The following EYS variants were observed in gnomAD, a reference collection of about 807,000 sequenced individuals.
EYS encodes the protein protein eyes shut homolog.
In EYS, 250 loss-of-function variants were observed where a neutral mutation model predicts 282.1. The ratio of observed to expected loss-of-function variants is 0.89; its 90% CI spans 0.80 to 0.98. EYS has a LOEUF of 0.98. Ranked by LOEUF, EYS falls within the 50% of genes least tolerant of loss-of-function variation. EYS has a pLI of 0.00. For missense variants in EYS, 4,016 were observed against 3,709.0 expected (o/e 1.08, Z -2.15); for synonymous variants, 1,355 against 1,282.9 (o/e 1.06, Z -1.20).
chr6:64,309,233 T>C (rs1404978816), intron 29 of EYS, among the ~76,000 whole-genome samples: 2 of 152,150 alleles, frequency 1.3e-5, no homozygotes, highest in Non-Finnish European at 2.9e-5. Flanking sequence ...ACTGATAATG[T>C]TTAAATTAAT....
chr6:64,339,568 T>C (rs959461523), intron 29 of EYS, among the ~76,000 whole-genome samples: 9 of 152,048 alleles, frequency 5.9e-5, no homozygotes, highest in South Asian at 2.1e-4. Flanking sequence ...GAAAACAGTG[T>C]GGAGATTCTT....
chr6:65,415,160 G>A (rs1338693036), intron 5 of EYS, among the ~76,000 whole-genome samples: 2 of 152,004 alleles, frequency 1.3e-5, no homozygotes, highest in Non-Finnish European at 2.9e-5. Context: ...TGGTATAGTG[G>A]GGATAAACAT....
intron 31 of EYS, among the ~76,000 whole-genome samples, chr6:64,146,985 G>C (rs990059985): frequency 6.6e-6 from 1 of 152,128 alleles, no homozygotes; most frequent in Non-Finnish European, 1.5e-5. Context: ...AGGTAGTAGA[G>C]ATAAGGTCTG....
chr6:64,210,210 A>G (rs779202051), intron 31 of EYS, among the ~76,000 whole-genome samples: 1 of 152,232 alleles, frequency 6.6e-6, no homozygotes, highest in Non-Finnish European at 1.5e-5. Flanking sequence ...GCATTTTCCA[A>G]AAATGGATGG....
At chr6:65,416,507 T>C (rs543940783) in intron 5 of EYS, among the ~76,000 whole-genome samples, 233 of 152,108 alleles carry the variant, frequency 1.5e-3, no homozygotes, top group Middle Eastern at 0.01. Context: ...TCTAAGTAAT[T>C]TTTATTTTAG....
At chr6:65,609,224 G>C (rs1185358551) in intron 2 of EYS, among the ~76,000 whole-genome samples, 1 of 151,270 alleles carries the variant, frequency 6.6e-6, no homozygotes, top group Non-Finnish European at 1.5e-5. Flanking sequence ...ACCACTAAGA[G>C]ATAGGAATTT....
intron 7 of EYS, among the ~76,000 whole-genome samples, chr6:65,401,510 C>T (rs1334572653): frequency 6.6e-6 from 1 of 151,152 alleles, no homozygotes; most frequent in Non-Finnish European, 1.5e-5. Flanking sequence ...GGATAGTATT[C>T]AGGTTTATTG....
chr6:64,656,359 G>C (rs1461753541), intron 22 of EYS, among the ~76,000 whole-genome samples: 1 of 152,030 alleles, frequency 6.6e-6, no homozygotes, highest in Admixed American at 6.6e-5. Flanking sequence ...GCTTAACTCA[G>C]GCACATATTT....
At chr6:64,200,383 C>T (rs894086860) in intron 31 of EYS, among the ~76,000 whole-genome samples, 6 of 152,038 alleles carry the variant, frequency 3.9e-5, no homozygotes, top group African/African-American at 1.4e-4. Context: ...ATAAATGTGT[C>T]ACACTAATGC....
At chr6:64,983,370 G>A (rs1388681652) in intron 14 of EYS, among the ~76,000 whole-genome samples, 1 of 150,940 alleles carries the variant, frequency 6.6e-6, no homozygotes, top group East Asian at 2.0e-4. Flanking sequence ...CATATTTCAG[G>A]GTGAATATAA....
At chr6:64,873,342 A>G (rs1229264385) in intron 19 of EYS, among the ~76,000 whole-genome samples, 2 of 152,096 alleles carry the variant, frequency 1.3e-5, no homozygotes, top group African/African-American at 2.4e-5. Flanking sequence ...TCCCTCCCAC[A>G]ACATATGGGA....
chr6:64,301,694 T>TATA (rs1456398828), intron 30 of EYS, among the ~76,000 whole-genome samples: 2 of 152,178 alleles, frequency 1.3e-5, no homozygotes, highest in Non-Finnish European at 2.9e-5. Flanking sequence ...ACGCAGGCCA[T>TATA]GTAGACCTTG....
At chr6:64,843,328 C>T (rs921534532) in intron 19 of EYS, among the ~76,000 whole-genome samples, 4 of 152,096 alleles carry the variant, frequency 2.6e-5, no homozygotes, top group African/African-American at 9.7e-5. Context: ...AATGGTAGAT[C>T]CACTGACAGC....
At chr6:65,655,657 ATTTG>A (rs1395576337) in intron 1 of EYS, among the ~76,000 whole-genome samples, 4 of 151,606 alleles carry the variant, frequency 2.6e-5, no homozygotes, top group East Asian at 1.9e-4. Flanking sequence ...GTGTTTTTTT[ATTTG>A]TTTGTTTGTT....
At chr6:63,892,197 A>G (rs969156274) in intron 35 of EYS, among the ~76,000 whole-genome samples, 1 of 152,210 alleles carries the variant, frequency 6.6e-6, no homozygotes, top group African/African-American at 2.4e-5. Context: ...TCAAGCTACC[A>G]TTGACTTTCT....
At chr6:64,667,478 A>G (rs1201150120) in intron 22 of EYS, among the ~76,000 whole-genome samples, 1 of 151,406 alleles carries the variant, frequency 6.6e-6, no homozygotes, top group Non-Finnish European at 1.5e-5. Flanking sequence ...ATTCTGTTAA[A>G]TAGTTATTTT....
intron 35 of EYS, among the ~76,000 whole-genome samples, chr6:63,961,890 T>G (rs960663327): frequency 6.6e-6 from 1 of 152,232 alleles, no homozygotes; most frequent in African/African-American, 2.4e-5. Flanking sequence ...ATTCTCTTAA[T>G]TTTCTTTTCC....
rs1361667383 is a variant in EYS, at chr6:65,384,387, T to G, written c.1298A>C (p.Lys433Thr). Residue 433 changes from lysine (K) to threonine (T), a missense_variant and splice_region_variant, in exon 8 of 43, where the codon AAA (lysine) becomes ACA (threonine). Transcript: ENST00000503581. ...GTTGCCATGTATTAAATTACTTACTTTGAATCTTCCAATTATATTGAAACA... is the reference window on the plus strand; with the variant it reads ...GTTGCCATGTATTAAATTACTTACTGTGAATCTTCCAATTATATTGAAACA... ...EWCFNIIGRF[K>T]YVCIPGCTKN... 2 of 1,572,008 alleles carry G rather than the reference T, an allele frequency of 1.3e-6. No individual in the cohort carries two copies. The highest frequency in any genetic ancestry group is 8.7e-7 in the Non-Finnish European group (1 of 1,144,546).
chr6:65,037,014 G>T (rs944572024), intron 13 of EYS, among the ~76,000 whole-genome samples: 4 of 151,954 alleles, frequency 2.6e-5, no homozygotes, highest in African/African-American at 9.7e-5. Flanking sequence ...GCACATGTAT[G>T]TTCATTGCAG....
Sources: allele counts gnomAD v4.1 joint callset (sites outside exome capture counted in the v4.1 genomes callset), GRCh38; gene constraint gnomAD v4.1.1; transcripts MANE v1.5; gene names NCBI Gene and HGNC (gene_info 2026-07-23, HGNC 2026-07-21).